The following DAB2IP variants were observed in gnomAD, a reference collection of about 807,000 sequenced individuals.
The protein encoded by DAB2IP is DAB2 interacting protein.
A neutral mutation model predicts 107.2 loss-of-function variants in DAB2IP; 28 were observed. The ratio of observed to expected loss-of-function variants is 0.26; its 90% CI spans 0.19 to 0.36. The LOEUF (loss-of-function observed/expected upper bound fraction) is 0.36, where lower values mean the gene tolerates loss of function less well. Ranked by LOEUF, DAB2IP falls within the 10% of genes least tolerant of loss-of-function variation. The probability of loss-of-function intolerance (pLI) is 1.00; values close to 1 mark genes in which losing one functional copy is unlikely to be tolerated. For missense variants in DAB2IP, 1,400 were observed against 1,644.7 expected (o/e 0.85, Z 2.57); for synonymous variants, 755 against 706.4 (o/e 1.07, Z -1.09).
rs114739952 is a variant in DAB2IP, at chr9:121,741,535, G to A, written c.363-15478G>A. On this transcript the variant is annotated intron_variant, in intron 3 of 15. Transcript: ENST00000408936. ...GGTAGCCGAGACAGGTTGTTTTCAG[G>A]CCTCAAAGGATTTGGGCCACAGCCC... 5.2e-3 allele frequency among the ~76,000 whole-genome samples: 784 copies of A among 152,206 alleles called. 9 individuals are homozygous for A. The highest frequency in any genetic ancestry group is 0.018 in the African/African-American group (745 of 41,520).
chr9:121,716,281 A>G (rs543815587), intron 3 of DAB2IP, among the ~76,000 whole-genome samples: 2 of 152,350 alleles, frequency 1.3e-5, no homozygotes, highest in African/African-American at 4.8e-5. Context: ...GCCAGGCCAC[A>G]CTGTGCCCAT....
rs561939671 is a variant in DAB2IP, at chr9:121,750,320, T to TGC, written c.363-6683_363-6682dup. Among the ~76,000 whole-genome samples, 127 of 151,806 alleles carry TGC rather than the reference T, an allele frequency of 8.4e-4. 2 individuals are homozygous for TGC. The South Asian group carries it at 0.018, about 21-fold the overall frequency. ...TGCATTTCTGTAGCATTCACTTGTG[T>TGC]GCGCGCGCGCGTGTGTGTGTGTGTT... On this transcript the variant is annotated intron_variant, in intron 3 of 15. Transcript: ENST00000408936.
exon 16 of DAB2IP, chr9:121,783,763 C>T: frequency 1.6e-6 from 1 of 640,318 alleles, no homozygotes. Flanking sequence ...AGGGGCGCAC[C>T]CCACAGCTGG....
At chr9:121,753,828 G>A (rs537749011) in intron 3 of DAB2IP, among the ~76,000 whole-genome samples, 66 of 152,306 alleles carry the variant, frequency 4.3e-4, no homozygotes, top group African/African-American at 1.4e-3. Flanking sequence ...TCACCTGAGC[G>A]TCCCGGGTAG....
intron 1 of DAB2IP, among the ~76,000 whole-genome samples, chr9:121,608,819 C>G (rs560611351): frequency 1.3e-4 from 20 of 152,344 alleles, no homozygotes; most frequent in Non-Finnish European, 2.6e-4. Context: ...CCTTATGGAA[C>G]CTTGCATCGT....
intron 3 of DAB2IP, among the ~76,000 whole-genome samples, chr9:121,747,473 G>A (rs373670712): frequency 3.3e-4 from 50 of 151,448 alleles, no homozygotes; most frequent in African/African-American, 1.2e-3. Context: ...TCAGCCTCCC[G>A]AGTAGCTGGG....
intron 1 of DAB2IP, among the ~76,000 whole-genome samples, chr9:121,678,280 G>A (rs1828384108): frequency 6.6e-6 from 1 of 152,238 alleles, no homozygotes; most frequent in Non-Finnish European, 1.5e-5. Context: ...TCAGCGTAAT[G>A]TTTTCAAGGT....
At chr9:121,601,337 T>G (rs943033382) in intron 1 of DAB2IP, among the ~76,000 whole-genome samples, 3 of 152,226 alleles carry the variant, frequency 2.0e-5, no homozygotes, top group Admixed American at 1.3e-4. Flanking sequence ...GTGTCCCCAC[T>G]TGGTGAACAT....
At chr9:121,567,082 A>T in exon 1 of DAB2IP, 1 of 1,423,728 alleles carries the variant, frequency 7.0e-7, no homozygotes, top group Non-Finnish European at 9.8e-7. Context: ...CCAGTCATCT[A>T]GTTGGAAAAG....
At chr9:121,591,441 C>T (rs569407464) in intron 1 of DAB2IP, among the ~76,000 whole-genome samples, 67 of 152,268 alleles carry the variant, frequency 4.4e-4, no homozygotes, top group African/African-American at 1.6e-3. Flanking sequence ...TGCACTCCAG[C>T]CTTGGGCAAC....
chr9:121,677,251 G>C (rs901912547), intron 1 of DAB2IP, among the ~76,000 whole-genome samples: 2 of 152,242 alleles, frequency 1.3e-5, no homozygotes, highest in African/African-American at 4.8e-5. Context: ...TGACATAGTG[G>C]CTGAGCCCTG....
intron 1 of DAB2IP, among the ~76,000 whole-genome samples, chr9:121,639,598 G>A (rs564426969): frequency 2.6e-5 from 4 of 152,310 alleles, no homozygotes; most frequent in African/African-American, 9.6e-5. Flanking sequence ...GGAGGTGGAA[G>A]CTGGGGGCCT....
intron 3 of DAB2IP, among the ~76,000 whole-genome samples, chr9:121,755,855 A>G (rs1015225012): frequency 6.6e-6 from 1 of 152,192 alleles, no homozygotes; most frequent in African/African-American, 2.4e-5. Context: ...AAGGTCAGGG[A>G]CCAAGCCTCA....
In DAB2IP at chr9:121,596,157, T is replaced by C. The variant is rs142068531; in HGVS notation, c.40+28929T>C. 3.7e-3 allele frequency among the ~76,000 whole-genome samples: 562 copies of C among 152,122 alleles called. 3 individuals carry two copies. Among genetic ancestry groups the C allele is most frequent in the African/African-American group, 0.013 (539 of 41,506 alleles). On this transcript the variant is annotated intron_variant, in intron 1 of 16. Transcript: ENST00000259371. ...CCAACATGGAGAAACCCTGTCTCTATTAAAAAATACAAAATAATACAAAAT... is the reference window on the plus strand; with the variant it reads ...CCAACATGGAGAAACCCTGTCTCTACTAAAAAATACAAAATAATACAAAAT...
intron 3 of DAB2IP, among the ~76,000 whole-genome samples, chr9:121,744,233 C>T (rs1832557741): frequency 6.6e-6 from 1 of 152,226 alleles, no homozygotes; most frequent in Non-Finnish European, 1.5e-5. Flanking sequence ...CCTGCTTCCA[C>T]TCCCTAGTCC....
chr9:121,722,312 C>T (rs558475306), intron 3 of DAB2IP, among the ~76,000 whole-genome samples: 4 of 152,306 alleles, frequency 2.6e-5, no homozygotes, highest in African/African-American at 9.6e-5. Context: ...TTCTCCTCTT[C>T]CTGTTCCTCC....
intron 1 of DAB2IP, among the ~76,000 whole-genome samples, chr9:121,570,276 C>G (rs1326800721): frequency 1.3e-5 from 2 of 151,134 alleles, no homozygotes; most frequent in Non-Finnish European, 2.9e-5. Context: ...CCATGCCCAG[C>G]TAATTTTTTG....
chr9:121,766,656 G>A (rs1423759586), exon 9 of DAB2IP: 3 of 1,614,046 alleles, frequency 1.9e-6, no homozygotes, highest in African/African-American at 1.3e-5. Flanking sequence ...TGCTGCAGGA[G>A]TACCCTGATG....
chr9:121,643,372 TCC>T (rs1832428277), intron 1 of DAB2IP, among the ~76,000 whole-genome samples: 1 of 152,088 alleles, frequency 6.6e-6, no homozygotes, highest in African/African-American at 2.4e-5. Context: ...AGCCCAGATC[TCC>T]CACCAGAGTT....
Sources: allele counts gnomAD v4.1 joint callset (sites outside exome capture counted in the v4.1 genomes callset), GRCh38; gene constraint gnomAD v4.1.1; transcripts MANE v1.5; gene names NCBI Gene and HGNC (gene_info 2026-07-23, HGNC 2026-07-21).